ATP9A: variants seen among roughly 807,000 people sequenced by gnomAD.
ATP9A encodes ATPase phospholipid transporting 9A.
ATP9A carries 52 observed loss-of-function variants against 144.1 expected under a neutral mutation model. That is an observed-to-expected ratio of 0.36 (90% confidence interval 0.29 to 0.45). The LOEUF (loss-of-function observed/expected upper bound fraction) is 0.45, where lower values mean the gene tolerates loss of function less well. ATP9A is among the 20% of genes least tolerant of loss of function. The probability of loss-of-function intolerance (pLI) is 1.00; values close to 1 mark genes in which losing one functional copy is unlikely to be tolerated. For missense variants in ATP9A, 947 were observed against 1,392.7 expected, an observed-to-expected ratio of 0.68 and a Z score of 5.09; for synonymous variants, 582 against 557.4, an observed-to-expected ratio of 1.04 and a Z score of -0.62.
intron 1 of ATP9A, among the ~76,000 whole-genome samples, chr20:51,733,692 TTA>T (rs1240865639): frequency 4.6e-5 from 7 of 152,044 alleles, no homozygotes; most frequent in Admixed American, 1.3e-4. Flanking sequence ...TAATTTTTTT[TTA>T]AATTAAAAAA....
In ATP9A at chr20:51,725,821, G is replaced by A; in HGVS notation, c.325C>T (p.Leu109=). The change falls in exon 3 of 28, where the codon CTG becomes TTG. Residue 109 remains leucine (L), a splice_region_variant and synonymous_variant. Coordinates refer to ENST00000338821, the MANE Select transcript of ATP9A (RefSeq NM_006045.3). ...LGALYTYWVP[L]GFVLAVTVIR... ...ACAAACAATGCCGATTAACTTACCA[G>A]GGGAACCCAGTAGGTATAGAGTGCA... 2.5e-6 allele frequency: 4 copies of A among 1,589,452 alleles called. No individual in the cohort carries two copies. Among genetic ancestry groups the A allele is most frequent in the Non-Finnish European group, 3.5e-6 (4 of 1,157,700 alleles).
At chr20:51,676,945 T>TTTTTTA (rs2077479964) in intron 9 of ATP9A, among the ~76,000 whole-genome samples, 1 of 103,850 alleles carries the variant, frequency 9.6e-6, no homozygotes, top group East Asian at 2.6e-4. Context: ...TTTTTTTTTT[T>TTTTTTA]GAGAGAGGGT....
chr20:51,763,328 T>A (rs1480329477), intron 1 of ATP9A, among the ~76,000 whole-genome samples: 2 of 151,346 alleles, frequency 1.3e-5, no homozygotes, highest in African/African-American at 4.9e-5. Context: ...TTTTTTTTTT[T>A]TTGAGATGGA....
At chr20:51,708,590 C>A (rs2122844179) in intron 4 of ATP9A, among the ~76,000 whole-genome samples, 1 of 152,240 alleles carries the variant, frequency 6.6e-6, no homozygotes, top group Middle Eastern at 3.4e-3. Context: ...CAAAAATTAG[C>A]CAGGCATGGT....
At position 51,596,535 on chromosome 20, in the gene ATP9A, ATATC is replaced by A. The variant is rs1235537466; in HGVS notation, c.*4672_*4675del. On this transcript the variant is annotated 3_prime_UTR_variant, in exon 28 of 28. Transcript: ENST00000338821. ...ATGGTTTTCATCTTATTTTCCATTT[ATATC>A]TATCACCTTTTGAAATTCTGACACG... 1.3e-5 allele frequency: 2 copies of A among 151,902 alleles called. No homozygotes were observed. Among genetic ancestry groups the A allele is most frequent in the African/African-American group, 2.4e-5 (1 of 41,314 alleles). 9.4% of individuals were successfully genotyped at this position (151,902 alleles called of 1,614,324 possible). A position where few individuals can be genotyped will look rare whatever the true frequency, so the allele number is the denominator to read the frequency against.
chr20:51,708,417 T>G (rs772365137), intron 4 of ATP9A, among the ~76,000 whole-genome samples: 4 of 151,976 alleles, frequency 2.6e-5, no homozygotes, highest in Non-Finnish European at 4.4e-5. Context: ...TGAGTTCCTA[T>G]TAATGAGGAT....
At chr20:51,623,159 G>T (rs895908917) in intron 18 of ATP9A, among the ~76,000 whole-genome samples, 3 of 152,126 alleles carry the variant, frequency 2.0e-5, no homozygotes, top group Non-Finnish European at 4.4e-5. Flanking sequence ...CCCCTAGCTG[G>T]GTCTGTTTTC....
At position 51,638,098 on chromosome 20, in the gene ATP9A, TA is replaced by T. The variant is rs1355087251; in HGVS notation, c.1668+1244del. ...ATATATATATATATATATATATATA[TA>T]TATATATATATATATATATATATAT... On this transcript the variant is annotated intron_variant, in intron 15 of 27. Transcript: ENST00000338821. 3.8e-5 allele frequency among the ~76,000 whole-genome samples: 4 copies of T among 104,770 alleles called. 1 individual carries two copies. Among genetic ancestry groups the T allele is most frequent in the African/African-American group, 1.6e-4 (4 of 25,472 alleles). The allele number at this position is 104,770 out of a possible 152,430, so 68.7% of individuals were successfully genotyped here.
intron 15 of ATP9A, among the ~76,000 whole-genome samples, chr20:51,638,064 C>T (rs2077300358): frequency 1.2e-5 from 1 of 80,670 alleles, no homozygotes; most frequent in South Asian, 3.9e-4. Flanking sequence ...AGTAGCATTT[C>T]ATCATTTTAT....
rs576265823 is a variant in ATP9A, at chr20:51,641,084, G to A, written c.1507-1580C>T. Among the ~76,000 whole-genome samples the A allele has an allele frequency of 8.5e-5, 13 of 152,138 alleles. No individual in the cohort carries two copies. In the East Asian group the frequency reaches 1.7e-3, roughly 20 times the overall value. ...TAAAAAAAAATTTTTTAATTATTAG[G>A]GTGGTGGCTCATGTCTGTAATCCCA... is the stretch of plus-strand genomic sequence containing the variant. On this transcript the variant is annotated intron_variant, in intron 14 of 27. Coordinates refer to ENST00000338821, the MANE Select transcript of ATP9A (RefSeq NM_006045.3).
At chr20:51,682,274 C>CA (rs2077502997) in intron 9 of ATP9A, among the ~76,000 whole-genome samples, 1 of 152,080 alleles carries the variant, frequency 6.6e-6, no homozygotes, top group Non-Finnish European at 1.5e-5. Flanking sequence ...ATAAATCCAC[C>CA]AAGCACTATG....
chr20:51,730,747 C>G (rs1287530977), intron 1 of ATP9A, among the ~76,000 whole-genome samples: 1 of 152,156 alleles, frequency 6.6e-6, no homozygotes, highest in Non-Finnish European at 1.5e-5. Context: ...GTACTTGTGT[C>G]TCTAAACATA....
intron 11 of ATP9A, among the ~76,000 whole-genome samples, chr20:51,672,110 T>C (rs370813015): frequency 1.3e-5 from 2 of 152,094 alleles, no homozygotes. Context: ...GGAATTTAAC[T>C]ACCTTAGACA....
chr20:51,603,331 A>G (rs2077150270), intron 27 of ATP9A, among the ~76,000 whole-genome samples: 1 of 152,238 alleles, frequency 6.6e-6, no homozygotes. Flanking sequence ...TTCCAAAGCC[A>G]TAGCGGCTTG....
At chr20:51,763,512 CT>C (rs563473259) in intron 1 of ATP9A, among the ~76,000 whole-genome samples, 2,271 of 151,924 alleles carry the variant, frequency 0.015, 32 homozygotes, top group Non-Finnish European at 0.023. Context: ...TGGGGTTTCA[CT>C]TGTGTTAGCC....
At chr20:51,765,974 G>C (rs536350494) in intron 1 of ATP9A, among the ~76,000 whole-genome samples, 2 of 152,146 alleles carry the variant, frequency 1.3e-5, no homozygotes, top group East Asian at 3.9e-4. Flanking sequence ...AGAAAGATTA[G>C]TTCCAAAGCT....
chr20:51,761,568 T>C (rs969898338), intron 1 of ATP9A, among the ~76,000 whole-genome samples: 2 of 152,126 alleles, frequency 1.3e-5, no homozygotes, highest in East Asian at 1.9e-4. Flanking sequence ...CAGACCATCC[T>C]GGCTAACACG....
intron 9 of ATP9A, among the ~76,000 whole-genome samples, chr20:51,685,530 T>G (rs2077519437): frequency 6.7e-6 from 1 of 150,094 alleles, no homozygotes; most frequent in Admixed American, 6.7e-5. Context: ...AACACTGCAC[T>G]CCAGCCTGGG....
At chr20:51,768,245 G>A (rs2077914356) in intron 1 of ATP9A, 57 bp downstream of exon 1, 5 of 1,149,272 alleles carry the variant, frequency 4.4e-6, no homozygotes, top group South Asian at 3.9e-5. Context: ...AGGCTGGCCC[G>A]AGCGCCGGGC....
Sources: allele counts gnomAD v4.1 joint callset (sites outside exome capture counted in the v4.1 genomes callset), GRCh38; gene constraint gnomAD v4.1.1; transcripts MANE v1.5; gene names NCBI Gene and HGNC (gene_info 2026-07-23, HGNC 2026-07-21).